Variants in ELOVL5 observed in about 807,000 individuals in gnomAD.
The protein encoded by ELOVL5 is ELOVL fatty acid elongase 5.
A neutral mutation model predicts 38.6 loss-of-function variants in ELOVL5; 8 were observed. The ratio of observed to expected loss-of-function variants is 0.21; its 90% CI spans 0.12 to 0.37. The LOEUF (loss-of-function observed/expected upper bound fraction) is 0.37. Ranked by LOEUF, ELOVL5 falls within the 10% of genes least tolerant of loss-of-function variation. The pLI, the probability that ELOVL5 is intolerant of heterozygous loss-of-function variation, is 1.00. For missense variants in ELOVL5, 280 were observed against 367.8 expected (o/e 0.76, Z 1.95); for synonymous variants, 127 against 133.7 (o/e 0.95, Z 0.34).
intron 6 of ELOVL5, among the ~76,000 whole-genome samples, chr6:53,272,355 T>C (rs1209766032): frequency 1.3e-5 from 2 of 152,164 alleles, no homozygotes; most frequent in Non-Finnish European, 2.9e-5. Context: ...CAGGCTGGTC[T>C]TAAACTCCTG....
intron 1 of ELOVL5, among the ~76,000 whole-genome samples, chr6:53,329,040 T>C (rs1434570770): frequency 2.0e-5 from 3 of 152,164 alleles, no homozygotes; most frequent in South Asian, 2.1e-4. Context: ...GTGACACACA[T>C]AGAGCCTGTG....
At chr6:53,290,390 C>G (rs1350888005) in intron 3 of ELOVL5, 1 of 152,134 alleles carries the variant, frequency 6.6e-6, no homozygotes, top group East Asian at 1.9e-4. Context: ...GTAAGCAGTT[C>G]ACTCAGAAAC....
intron 1 of ELOVL5, among the ~76,000 whole-genome samples, chr6:53,297,621 ATTAG>A (rs910844839): frequency 6.6e-5 from 10 of 152,108 alleles, no homozygotes; most frequent in South Asian, 4.1e-4. Context: ...CGATTTAATT[ATTAG>A]TTATTGTTGT....
rs3830806 is a variant in ELOVL5 at position 53,269,306 on chromosome 6, C to CACAG, written c.757-40_757-37dup. 0.49 allele frequency: 747,596 copies of CACAG among 1,531,430 alleles called. 190,919 individuals carry two copies. Among genetic ancestry groups the CACAG allele is most frequent in the African/African-American group, 0.88 (62,811 of 71,728 alleles). 94.9% of individuals were successfully genotyped at this position (1,531,430 alleles called of 1,614,324 possible). ...TAAGGGCAGATGAGAACCAAATGAC[C>CACAG]ACAGTTTTCTTTATAGGGAACTTTA... On this transcript the variant is annotated intron_variant, in intron 7 of 7. Coordinates refer to ENST00000304434, the MANE Select transcript of ELOVL5 (RefSeq NM_021814.5).
chr6:53,307,673 T>A (rs1767639447), intron 1 of ELOVL5, among the ~76,000 whole-genome samples: 2 of 152,228 alleles, frequency 1.3e-5, no homozygotes, highest in Non-Finnish European at 2.9e-5. Context: ...TACTTGTGAA[T>A]CTGGGGATTT....
chr6:53,282,366 T>C (rs1436534615), intron 3 of ELOVL5, among the ~76,000 whole-genome samples: 1 of 152,226 alleles, frequency 6.6e-6, no homozygotes, highest in Non-Finnish European at 1.5e-5. Context: ...TCTCCAGGTG[T>C]TGCAGGGGCA....
Position 53,268,819 on chromosome 6 carries a change from G to T in ELOVL5, c.*308C>A. 4.6e-6 allele frequency: 1 copy of T among 217,012 alleles called. No individual in the cohort carries two copies. The highest frequency in any genetic ancestry group is 9.0e-6 in the Non-Finnish European group (1 of 110,906). 13.4% of individuals were successfully genotyped at this position (217,012 alleles called of 1,614,324 possible). ...GTTTGGATTACAGTGTTTTTAAATT[G>T]TGAATCACAATTCAGCACCTATCAT... On this transcript the variant is annotated 3_prime_UTR_variant, in exon 8 of 8. Coordinates refer to ENST00000304434, the MANE Select transcript of ELOVL5 (RefSeq NM_021814.5).
At chr6:53,318,319 T>C (rs925168206) in intron 1 of ELOVL5, among the ~76,000 whole-genome samples, 3 of 152,216 alleles carry the variant, frequency 2.0e-5, no homozygotes, top group Admixed American at 6.5e-5. Flanking sequence ...GGAGTGATCC[T>C]GGGCGAGTAC....
intron 1 of ELOVL5, among the ~76,000 whole-genome samples, chr6:53,328,738 T>A (rs911777261): frequency 6.9e-6 from 1 of 145,618 alleles, no homozygotes. Flanking sequence ...CTGTAATGTA[T>A]AGATAGCAAA....
Position 53,270,513 on chromosome 6 carries a change from C to T in ELOVL5, c.756+80G>A, listed in dbSNP as rs1020001492. 2.7e-6 allele frequency: 4 copies of T among 1,497,816 alleles called. No homozygotes were observed. In the East Asian group the frequency reaches 9.1e-5, roughly 34 times the overall value. 92.8% of individuals were successfully genotyped at this position (1,497,816 alleles called of 1,614,324 possible). ...AGCCTGTCACCCAGCAAGGGCTCCA[C>T]ATGCCCATTAAGTAAATAGATGAGG... On this transcript the variant is annotated intron_variant, in intron 7 of 7. Coordinates refer to ENST00000304434, the MANE Select transcript of ELOVL5 (RefSeq NM_021814.5).
chr6:53,347,304 A>G (rs955709681), intron 1 of ELOVL5, among the ~76,000 whole-genome samples: 5 of 152,230 alleles, frequency 3.3e-5, no homozygotes, highest in Admixed American at 2.6e-4. Flanking sequence ...AAAATGAGTA[A>G]CATTTCCCTT....
chr6:53,336,871 T>A (rs186063946), intron 1 of ELOVL5: 5 of 152,328 alleles, frequency 3.3e-5, no homozygotes, highest in Admixed American at 3.3e-4. Flanking sequence ...CTAGCAATTT[T>A]TTTTAACCTT....
chr6:53,285,147 C>T (rs1454870660), intron 3 of ELOVL5, among the ~76,000 whole-genome samples: 1 of 152,128 alleles, frequency 6.6e-6, no homozygotes, highest in African/African-American at 2.4e-5. Context: ...TGAGACAGGA[C>T]GAAAGCTGGG....
At chr6:53,310,239 T>C (rs191974726) in intron 1 of ELOVL5, among the ~76,000 whole-genome samples, 15 of 152,302 alleles carry the variant, frequency 9.8e-5, no homozygotes, top group Admixed American at 3.3e-4. Context: ...AGGAAAACAA[T>C]ACAACACTTT....
intron 1 of ELOVL5, among the ~76,000 whole-genome samples, chr6:53,306,635 C>T (rs772936886): frequency 7.9e-5 from 12 of 152,178 alleles, no homozygotes; most frequent in Middle Eastern, 3.4e-3. Flanking sequence ...AAGTTCTTCC[C>T]CCAGTTCTCA....
At chr6:53,276,097 A>C in intron 4 of ELOVL5, 82 bp downstream of exon 4, 7 of 922,144 alleles carry the variant, frequency 7.6e-6, no homozygotes, top group Non-Finnish European at 1.2e-5. Context: ...CAGTGAGGTT[A>C]TGGGCCATTT....
intron 3 of ELOVL5, among the ~76,000 whole-genome samples, chr6:53,290,964 C>A (rs1446953895): frequency 1.3e-5 from 2 of 152,056 alleles, no homozygotes; most frequent in East Asian, 3.8e-4. Context: ...GGGCTTAATT[C>A]TCCAGAAGAG....
chr6:53,333,828 A>C (rs2127592372), intron 1 of ELOVL5, among the ~76,000 whole-genome samples: 1 of 152,336 alleles, frequency 6.6e-6, no homozygotes, highest in African/African-American at 2.4e-5. Flanking sequence ...TTTTTAAATT[A>C]TACTTGGTGC....
chr6:53,339,906 T>C (rs1769253916), intron 1 of ELOVL5, among the ~76,000 whole-genome samples: 1 of 152,198 alleles, frequency 6.6e-6, no homozygotes, highest in Non-Finnish European at 1.5e-5. Flanking sequence ...TCATAGGAAA[T>C]GACAGCTCAT....
Sources: allele counts gnomAD v4.1 joint callset (sites outside exome capture counted in the v4.1 genomes callset), GRCh38; gene constraint gnomAD v4.1.1; transcripts MANE v1.5; gene names NCBI Gene and HGNC (gene_info 2026-07-23, HGNC 2026-07-21).